The following RYR2 variants were observed in gnomAD, a reference collection of about 807,000 sequenced individuals.
RYR2 encodes ryanodine receptor 2.
In RYR2, 227 loss-of-function variants were observed where a neutral mutation model predicts 601.1. The observed-to-expected ratio is 0.38, with a 90% CI of 0.34 to 0.42. The LOEUF (loss-of-function observed/expected upper bound fraction) is 0.42, where lower values mean the gene tolerates loss of function less well. Among genes scored for constraint, RYR2 ranks in the 10% least tolerant of loss-of-function variants. The pLI is 1.00. For missense variants in RYR2, 4,646 were observed against 6,156.5 expected, an observed-to-expected ratio of 0.75 and a Z score of 8.21; for synonymous variants, 2,223 against 2,175.1, an observed-to-expected ratio of 1.02 and a Z score of -0.61.
chr1:237,281,071 C>T (rs1271409290), intron 2 of RYR2, among the ~76,000 whole-genome samples: 2 of 152,158 alleles, frequency 1.3e-5, no homozygotes, highest in Non-Finnish European at 2.9e-5. Flanking sequence ...AGGCATGAGC[C>T]ACCACGCCTG....
At chr1:237,447,262 T>A (rs111861378) in intron 14 of RYR2, among the ~76,000 whole-genome samples, 14 of 152,324 alleles carry the variant, frequency 9.2e-5, no homozygotes, top group African/African-American at 3.4e-4. Context: ...ATAGACATAA[T>A]GTAGTGCTAG....
chr1:237,812,487 A>G (rs967486072), intron 100 of RYR2, among the ~76,000 whole-genome samples: 2 of 152,218 alleles, frequency 1.3e-5, no homozygotes, highest in South Asian at 4.1e-4. Context: ...AACATTTAAT[A>G]TACTATACAA....
rs1559117209 is a variant in RYR2, at chr1:237,614,713, A to G, written c.5585A>G (p.Asp1862Gly). Residue 1862 changes from aspartate to glycine, a missense_variant, in exon 37 of 105, where the codon GAC becomes GGC. By Grantham distance (94) the Asp-to-Gly change is moderately conservative (BLOSUM62 -1). Coordinates refer to ENST00000366574, the MANE Select transcript of RYR2 (RefSeq NM_001035.3). This position sits in a 1 kb window ranked among gnomAD's most constrained non-coding sequence, Gnocchi z 4.3. ...KEAATPEEES[D>G]TLEKELSVDD... is the part of the protein sequence containing the mutation. ...GCTGCCACTCCGGAGGAGGAGAGTGACACGCTGGAGAAAGAGCTCAGTGTG... is the reference window on the plus strand; with the variant it reads ...GCTGCCACTCCGGAGGAGGAGAGTGGCACGCTGGAGAAAGAGCTCAGTGTG... 3.1e-6 allele frequency: 5 copies of G among 1,614,052 alleles called. No individual in the cohort carries two copies. Among genetic ancestry groups the G allele is most frequent in the Non-Finnish European group, 3.4e-6 (4 of 1,179,898 alleles).
Position 237,180,393 on chromosome 1 carries a change from G to A in RYR2, c.49-90104G>A. ...CACATTTTCCCAGTGATTTGGGCCT[G>A]ATTTATCTCTTGATTGCTCTCTGGT... On this transcript the variant is annotated intron_variant, in intron 1 of 104. Transcript: ENST00000366574. The surrounding 1 kb of genome is among the most constrained non-coding windows in gnomAD (Gnocchi z 5.3). 6.6e-6 allele frequency among the ~76,000 whole-genome samples: 1 copy of A among 152,114 alleles called. No individual in the cohort carries two copies. Among genetic ancestry groups the A allele is most frequent in the East Asian group, 1.9e-4 (1 of 5,162 alleles).
rs1234437638 is a variant in RYR2, at chr1:237,791,891, TTTTGGTTG to T, written c.13564-213_13564-206del. 1.0e-5 allele frequency: 6 copies of T among 585,776 alleles called. No homozygotes were observed. The African/African-American group carries it at 1.1e-4, about 11-fold the overall frequency. The allele number at this position is 585,776 out of a possible 1,614,324, so 36.3% of individuals were successfully genotyped here. On this transcript the variant is annotated intron_variant, in intron 93 of 104. Transcript: ENST00000366574. ...TAGCATGCATTGGAATCCTCAGAAT[TTTTGGTTG>T]AATAAGAATGAATTTTAAAAGTATG...
intron 1 of RYR2, among the ~76,000 whole-genome samples, chr1:237,259,965 A>G (rs1308519946): frequency 6.6e-6 from 1 of 152,220 alleles, no homozygotes; most frequent in Non-Finnish European, 1.5e-5. Context: ...GATTGATGTG[A>G]TCACATCACT....
chr1:237,573,796 G>A (rs1672954640), intron 29 of RYR2, among the ~76,000 whole-genome samples: 1 of 151,600 alleles, frequency 6.6e-6, no homozygotes, highest in African/African-American at 2.4e-5. Flanking sequence ...TGGTGACAGA[G>A]GAGTGAGACT....
At chr1:237,330,070 A>G (rs1696559302) in intron 2 of RYR2, among the ~76,000 whole-genome samples, 1 of 152,202 alleles carries the variant, frequency 6.6e-6, no homozygotes, top group Non-Finnish European at 1.5e-5. Flanking sequence ...ATTTGAGACA[A>G]CTATTATTTT....
chr1:237,629,853 T>A (rs1479160201), intron 41 of RYR2, among the ~76,000 whole-genome samples: 1 of 152,118 alleles, frequency 6.6e-6, no homozygotes, highest in Admixed American at 6.5e-5. Context: ...TAAAAATGGA[T>A]GAAAGGTTCT....
intron 71 of RYR2, among the ~76,000 whole-genome samples, chr1:237,712,418 A>G (rs1000789418): frequency 6.6e-6 from 1 of 151,950 alleles, no homozygotes; most frequent in Non-Finnish European, 1.5e-5. Flanking sequence ...CAAGCTCCCC[A>G]AACCAAGGAA....
At chr1:237,370,763 C>G (rs1193507299) in intron 6 of RYR2, among the ~76,000 whole-genome samples, 1 of 151,540 alleles carries the variant, frequency 6.6e-6, no homozygotes, top group African/African-American at 2.4e-5. Flanking sequence ...CAGGTTCACG[C>G]CATTCTCCTG....
At chr1:237,219,081 C>T (rs1390299517) in intron 1 of RYR2, among the ~76,000 whole-genome samples, 7 of 148,820 alleles carry the variant, frequency 4.7e-5, no homozygotes, top group Non-Finnish European at 7.4e-5. Context: ...GGTGCAATCT[C>T]GGCTCACCAC....
chr1:237,157,736 T>C (rs1192216205), intron 1 of RYR2, among the ~76,000 whole-genome samples: 1 of 152,062 alleles, frequency 6.6e-6, no homozygotes, highest in Admixed American at 6.5e-5. Context: ...AATGGAAGCG[T>C]AGTGGGAAGG....
At chr1:237,196,866 T>G (rs1184957326) in intron 1 of RYR2, among the ~76,000 whole-genome samples, 1 of 152,188 alleles carries the variant, frequency 6.6e-6, no homozygotes, top group Non-Finnish European at 1.5e-5. Context: ...GAGCAGTTCA[T>G]AACTTTATAA....
chr1:237,700,490 GTTT>G, intron 65 of RYR2, 23 bp downstream of exon 65: 6 of 976,036 alleles, frequency 6.1e-6, no homozygotes, highest in Non-Finnish European at 9.0e-6. Context: ...ATATCTTGGA[GTTT>G]TTTTTTTTTT....
chr1:237,327,167 A>G (rs76980291), intron 2 of RYR2, among the ~76,000 whole-genome samples: 1 of 151,830 alleles, frequency 6.6e-6, no homozygotes, highest in African/African-American at 2.4e-5. Context: ...TTTTTTTTTA[A>G]CTGTCTCAGC....
At chr1:237,658,692 GCCTGGC>G (rs796824269) in intron 54 of RYR2, among the ~76,000 whole-genome samples, 163 of 152,274 alleles carry the variant, frequency 1.1e-3, no homozygotes, top group African/African-American at 3.7e-3. Flanking sequence ...GAGCCACCAT[GCCTGGC>G]CAGGTTTTAT....
intron 30 of RYR2, 44 bp downstream of exon 30, chr1:237,590,045 A>C (rs1261418127): frequency 6.5e-7 from 1 of 1,545,560 alleles, no homozygotes; most frequent in South Asian, 1.2e-5. Context: ...AAAAAGCAGG[A>C]AAAGAATATC....
intron 98 of RYR2, among the ~76,000 whole-genome samples, chr1:237,805,734 A>T (rs548012407): frequency 3.3e-5 from 5 of 151,914 alleles, no homozygotes; most frequent in African/African-American, 1.2e-4. Flanking sequence ...ATATAATGTA[A>T]TCAGATCAGG....
Sources: gnomAD v4.1 joint callset for allele counts (sites outside exome capture counted in the v4.1 genomes callset) on GRCh38, gnomAD v4.1.1 for gene constraint, Gnocchi (gnomAD v3.1) non-coding constraint, MANE v1.5 for transcripts, NCBI Gene and HGNC (gene_info 2026-07-23, HGNC 2026-07-21) for gene names.